The following SLC6A5 variants were observed in gnomAD, a reference collection of about 807,000 sequenced individuals.
SLC6A5 encodes solute carrier family 6 member 5.
A neutral mutation model predicts 90.5 loss-of-function variants in SLC6A5; 58 were observed. The observed-to-expected ratio is 0.64, with a 90% CI of 0.52 to 0.80. The LOEUF is 0.80. SLC6A5 is among the 30% of genes least tolerant of loss of function. SLC6A5 has a pLI of 0.00. For missense variants in SLC6A5, 1,015 were observed against 1,017.6 expected, an observed-to-expected ratio of 1.00 and a Z score of 0.03; for synonymous variants, 427 against 401.4, an observed-to-expected ratio of 1.06 and a Z score of -0.76.
chr11:20,631,665 A>C (rs1224157253), intron 10 of SLC6A5, among the ~76,000 whole-genome samples: 1 of 152,126 alleles, frequency 6.6e-6, no homozygotes, highest in African/African-American at 2.4e-5. Flanking sequence ...TCTCATTCTC[A>C]ATTCAGACAT....
At chr11:20,645,095 G>C (rs1001290233) in intron 13 of SLC6A5, among the ~76,000 whole-genome samples, 2 of 152,098 alleles carry the variant, frequency 1.3e-5, no homozygotes, top group Admixed American at 1.3e-4. Flanking sequence ...TTACAGGATA[G>C]AGCCACCATG....
At chr11:20,638,682 C>A in intron 13 of SLC6A5, 124 bp downstream of exon 13, 1 of 727,754 alleles carries the variant, frequency 1.4e-6, no homozygotes, top group Non-Finnish European at 2.5e-6. Flanking sequence ...TTTAGGAAAC[C>A]TAAGAGAGCT....
intron 10 of SLC6A5, among the ~76,000 whole-genome samples, chr11:20,635,643 G>T (rs1188347978): frequency 6.6e-6 from 1 of 152,236 alleles, no homozygotes; most frequent in South Asian, 2.1e-4. Flanking sequence ...ACCTGCACAT[G>T]CACCCCAGAA....
At chr11:20,610,119 C>T (rs938769628) in intron 5 of SLC6A5, among the ~76,000 whole-genome samples, 1 of 152,228 alleles carries the variant, frequency 6.6e-6, no homozygotes, top group African/African-American at 2.4e-5. Flanking sequence ...CATGTGCTTT[C>T]ATTTATTAAT....
chr11:20,606,268 AAAC>A (rs1483853936), intron 3 of SLC6A5, among the ~76,000 whole-genome samples: 1 of 152,242 alleles, frequency 6.6e-6, no homozygotes, highest in African/African-American at 2.4e-5. Context: ...GATGCAGCGC[AAAC>A]AACATTAGGG....
Position 20,606,944 on chromosome 11 carries a change from G to T in SLC6A5, c.680-63G>T. ...GGGAGCTCAGCCCCTAGCCCAGAGG[G>T]TTAAGGAGGGCAGCAGCCTGCTTTT... On this transcript the variant is annotated intron_variant, in intron 3 of 15. Coordinates refer to ENST00000525748, the MANE Select transcript of SLC6A5 (RefSeq NM_004211.5). 3.7e-6 allele frequency: 6 copies of T among 1,610,168 alleles called. No individual in the cohort carries two copies. The South Asian group carries it at 6.6e-5, about 18-fold the overall frequency.
chr11:20,599,769 G>T, intron 1 of SLC6A5, 94 bp downstream of exon 1: 1 of 1,451,726 alleles, frequency 6.9e-7, no homozygotes. Context: ...AGATGTCTGT[G>T]CATTGGGTGG....
intron 13 of SLC6A5, 128 bp downstream of exon 13, chr11:20,638,686 G>C (rs1853257313): frequency 1.4e-6 from 1 of 722,276 alleles, no homozygotes; most frequent in African/African-American, 1.7e-5. Context: ...GGAAACCTAA[G>C]AGAGCTGCAC....
At chr11:20,630,855 C>A in intron 10 of SLC6A5, 40 bp downstream of exon 10, 5 of 1,611,452 alleles carry the variant, frequency 3.1e-6, no homozygotes, top group Non-Finnish European at 4.2e-6. Context: ...AGGGCAGGTC[C>A]CAGGCTCATG....
intron 10 of SLC6A5, 139 bp from the exon 11 acceptor site, chr11:20,636,168 G>A (rs1853201801): frequency 2.8e-6 from 2 of 710,296 alleles, no homozygotes; most frequent in Non-Finnish European, 5.2e-6. Flanking sequence ...GGATAGAGAT[G>A]AGTAAAAAAT....
chr11:20,647,508 G>A lies in SLC6A5; in HGVS notation c.2070+574G>A, dbSNP rs148739585. Among the ~76,000 whole-genome samples, 39 of 142,394 alleles carry A rather than the reference G, an allele frequency of 2.7e-4. 1 individual carries two copies. In the East Asian group the frequency reaches 7.2e-3, roughly 26 times the overall value. The allele number at this position is 142,394 out of a possible 152,430, so 93.4% of individuals were successfully genotyped here. On this transcript the variant is annotated intron_variant, in intron 14 of 15. Transcript: ENST00000525748. ...ATATATATATATAAATGTTCCTATGGAACATTTCCTATGGCACATTTCCCA... is the reference window on the plus strand; with the variant it reads ...ATATATATATATAAATGTTCCTATGAAACATTTCCTATGGCACATTTCCCA...
rs959781695 is a variant in SLC6A5, at chr11:20,656,518, T to A, written c.*1650T>A. On this transcript the variant is annotated 3_prime_UTR_variant, in exon 16 of 16. Transcript: ENST00000525748. ...ACAGGCTTTAATGTACATTTTTTTT[T>A]AAAAGATTTCATTTGTTAAAAAAAG... 2.1e-4 allele frequency: 32 copies of A among 152,174 alleles called. No homozygotes were observed. The highest frequency in any genetic ancestry group is 3.5e-4 in the Non-Finnish European group (24 of 68,030). The allele number at this position is 152,174 out of a possible 1,614,324, so 9.4% of individuals were successfully genotyped here. A position where few individuals can be genotyped will look rare whatever the true frequency, so the allele number is the denominator to read the frequency against.
In SLC6A5 at chr11:20,601,562, C is replaced by A. The variant is rs759574943; in HGVS notation, c.437C>A (p.Thr146Asn). 2 of 1,614,058 alleles carry A rather than the reference C, an allele frequency of 1.2e-6. No individual in the cohort carries two copies. Among genetic ancestry groups the A allele is most frequent in the Admixed American group, 1.7e-5 (1 of 60,014 alleles). ...AAGGGCACCCTGGAGCGGAACAATACCCCTGTTGTGGGCTGGGTGAACATG... is the reference window on the plus strand; with the variant it reads ...AAGGGCACCCTGGAGCGGAACAATAACCCTGTTGTGGGCTGGGTGAACATG... ...VGKGTLERNNTPVVGWVNMSQ... is the reference protein window; with the variant it reads ...VGKGTLERNNNPVVGWVNMSQ... Residue 146 changes from threonine (T) to asparagine (N), a missense_variant, in exon 2 of 16, where the codon ACC becomes AAC. Thr to Asn is a moderately conservative substitution (Grantham distance 65). Transcript: ENST00000525748.
chr11:20,617,811 T>TA lies in SLC6A5; in HGVS notation c.1188dup (p.Ala397SerfsTer17). On this transcript the variant is annotated frameshift_variant, in exon 7 of 16. Coordinates refer to ENST00000525748, the MANE Select transcript of SLC6A5 (RefSeq NM_004211.5). LOFTEE classifies it high-confidence loss of function. ...TATCCTGGCGAGATCAGGTGGCCACTAGCTCTCTGCCTCTTCCTGGCTTGG... is the reference window on the plus strand; with the variant it reads ...TATCCTGGCGAGATCAGGTGGCCACTAAGCTCTCTGCCTCTTCCTGGCTTGG... 3 of 1,613,964 alleles carry TA rather than the reference T, an allele frequency of 1.9e-6. No homozygotes were observed. Among genetic ancestry groups the TA allele is most frequent in the Non-Finnish European group, 2.5e-6 (3 of 1,179,806 alleles).
At chr11:20,641,703 C>A (rs1045981477) in intron 13 of SLC6A5, among the ~76,000 whole-genome samples, 7 of 152,084 alleles carry the variant, frequency 4.6e-5, no homozygotes, top group Admixed American at 3.9e-4. Flanking sequence ...GAATGAGAGG[C>A]TTTAGCTCAT....
intron 7 of SLC6A5, among the ~76,000 whole-genome samples, chr11:20,619,572 C>A (rs1055534119): frequency 6.6e-6 from 1 of 152,034 alleles, no homozygotes; most frequent in Non-Finnish European, 1.5e-5. Context: ...GTAGGGATAT[C>A]TCTACTTGGG....
chr11:20,602,944 C>T (rs1351840774), intron 2 of SLC6A5, among the ~76,000 whole-genome samples: 1 of 152,234 alleles, frequency 6.6e-6, no homozygotes, highest in Non-Finnish European at 1.5e-5. Context: ...GGAGCTGGAA[C>T]TCCCACCCTT....
chr11:20,649,120 A>C (rs771591629), intron 14 of SLC6A5, among the ~76,000 whole-genome samples: 3 of 152,256 alleles, frequency 2.0e-5, no homozygotes, highest in Non-Finnish European at 2.9e-5. Context: ...TTTTGTGAGC[A>C]GAATGTCAGA....
rs538781083 is a variant in SLC6A5 at position 20,622,450 on chromosome 11, C to A, written c.1261-4258C>A. On this transcript the variant is annotated intron_variant, in intron 7 of 15. Transcript: ENST00000525748. ...ATGCCTCCTGTCTCACTTGCCTCCC[C>A]CTAGTCCTGGCCCTGCCATACACAT... Among the ~76,000 whole-genome samples the A allele has an allele frequency of 5.3e-5, 8 of 152,310 alleles. No homozygotes were observed. In the East Asian group the frequency reaches 1.5e-3, roughly 29 times the overall value.
Sources: gnomAD v4.1 joint callset for allele counts (sites outside exome capture counted in the v4.1 genomes callset) on GRCh38, gnomAD v4.1.1 for gene constraint, MANE v1.5 for transcripts, NCBI Gene and HGNC (gene_info 2026-07-23, HGNC 2026-07-21) for gene names.